Variants in ADIPOR2 observed in about 807,000 individuals in gnomAD.
ADIPOR2 encodes adiponectin receptor protein 2.
ADIPOR2 carries 18 observed loss-of-function variants against 40.9 expected under a neutral mutation model. The ratio of observed to expected loss-of-function variants is 0.44; its 90% confidence interval spans 0.30 to 0.65. The LOEUF (loss-of-function observed/expected upper bound fraction) is 0.65. Ranked by LOEUF, ADIPOR2 falls within the 30% of genes least tolerant of loss-of-function variation. ADIPOR2 has a pLI of 0.09. For missense variants in ADIPOR2, 283 were observed against 479.2 expected (o/e 0.59, Z 3.82); for synonymous variants, 165 against 166.4 (o/e 0.99, Z 0.06).
rs774083473 is a variant in ADIPOR2, at chr12:1,754,361, A to G, written c.18A>G (p.Glu6=). 1.6e-5 allele frequency: 26 copies of G among 1,608,024 alleles called. No homozygotes were observed. Among genetic ancestry groups the G allele is most frequent in the Non-Finnish European group, 2.2e-5 (26 of 1,177,690 alleles). The change falls in exon 2 of 8, where the codon GAA becomes GAG. Residue 6 remains glutamate, a synonymous_variant. Transcript: ENST00000357103. MNEPT[E]NRLGCSRTPE... ...GGTATCCCATGAACGAGCCAACAGA[A>G]AACCGATTGGGGTGCAGCAGGACTC...
intron 3 of ADIPOR2, among the ~76,000 whole-genome samples, chr12:1,775,752 C>CA (rs1293602893): frequency 6.6e-6 from 1 of 152,070 alleles, no homozygotes; most frequent in Non-Finnish European, 1.5e-5. Flanking sequence ...AAATTTGATG[C>CA]AAAAAATTCA....
chr12:1,746,289 G>T (rs1003048540), intron 1 of ADIPOR2, among the ~76,000 whole-genome samples: 1 of 152,118 alleles, frequency 6.6e-6, no homozygotes, highest in Non-Finnish European at 1.5e-5. Context: ...AGAGGCTGAG[G>T]TGTGTGGATC....
chr12:1,755,863 T>G (rs1200580649), intron 2 of ADIPOR2, among the ~76,000 whole-genome samples: 1 of 152,170 alleles, frequency 6.6e-6, no homozygotes, highest in Admixed American at 6.5e-5. Flanking sequence ...GTGTATATAG[T>G]AAGTAATACA....
intron 1 of ADIPOR2, chr12:1,696,462 C>G (rs867037560): frequency 6.7e-6 from 1 of 149,248 alleles, no homozygotes; most frequent in East Asian, 2.0e-4. Context: ...GTGGTGCAAT[C>G]GTAGCTTACT....
intron 1 of ADIPOR2, among the ~76,000 whole-genome samples, chr12:1,699,039 C>T (rs954882088): frequency 5.3e-5 from 8 of 152,132 alleles, no homozygotes; most frequent in African/African-American, 1.9e-4. Context: ...GCTGCTTCAC[C>T]TATTTACATT....
rs2094625643 is a variant in ADIPOR2 at position 1,691,083 on chromosome 12, C to G, written c.-195C>G. The G allele has an allele frequency of 6.0e-6, 1 of 165,792 alleles. No individual in the cohort carries two copies. The highest frequency in any genetic ancestry group is 1.3e-5 in the Non-Finnish European group (1 of 77,098). 10.3% of individuals were successfully genotyped at this position (165,792 alleles called of 1,614,324 possible). A position where few individuals can be genotyped will look rare whatever the true frequency, so the allele number is the denominator to read the frequency against. ...GAGCGCGATTCCAGAAGCGGCATCG[C>G]GGCGGCGGCAGCGGCGGCGGCTACA... On this transcript the variant is annotated 5_prime_UTR_variant, in exon 1 of 8. Transcript: ENST00000357103.
At chr12:1,749,107 A>G (rs1417744619) in intron 1 of ADIPOR2, among the ~76,000 whole-genome samples, 1 of 152,176 alleles carries the variant, frequency 6.6e-6, no homozygotes, top group African/African-American at 2.4e-5. Context: ...CTAGTTTATT[A>G]TAAAGAATAT....
At chr12:1,734,852 C>A (rs1038318234) in intron 1 of ADIPOR2, among the ~76,000 whole-genome samples, 94 of 152,264 alleles carry the variant, frequency 6.2e-4, no homozygotes, top group African/African-American at 2.1e-3. Flanking sequence ...CCATTTATTA[C>A]ATAGGGAATC....
At chr12:1,705,167 G>A (rs1176180497) in intron 1 of ADIPOR2, among the ~76,000 whole-genome samples, 1 of 152,138 alleles carries the variant, frequency 6.6e-6, no homozygotes, top group Non-Finnish European at 1.5e-5. Context: ...AACTGTACAG[G>A]CCACATGTTT....
At chr12:1,743,274 T>C (rs1400535715) in intron 1 of ADIPOR2, among the ~76,000 whole-genome samples, 1 of 130,386 alleles carries the variant, frequency 7.7e-6, no homozygotes, top group Non-Finnish European at 1.6e-5. Context: ...ATTGTGCCAC[T>C]GCACTCCAGC....
At chr12:1,759,287 C>A (rs115168278) in intron 2 of ADIPOR2, among the ~76,000 whole-genome samples, 20 of 152,326 alleles carry the variant, frequency 1.3e-4, no homozygotes, top group African/African-American at 4.8e-4. Context: ...AATTTTGCAT[C>A]ATTTTCTTTG....
chr12:1,752,885 C>T (rs933174171), intron 1 of ADIPOR2, among the ~76,000 whole-genome samples: 3 of 152,126 alleles, frequency 2.0e-5, no homozygotes, highest in Non-Finnish European at 4.4e-5. Context: ...CAGAAATGGG[C>T]ATTAATAACA....
chr12:1,723,980 G>A (rs2094702834), intron 1 of ADIPOR2, among the ~76,000 whole-genome samples: 1 of 151,828 alleles, frequency 6.6e-6, no homozygotes, highest in South Asian at 2.1e-4. Context: ...ATACAAAATG[G>A]AATCTTTTTT....
intron 1 of ADIPOR2, among the ~76,000 whole-genome samples, chr12:1,745,330 C>A (rs967025650): frequency 6.6e-6 from 1 of 152,144 alleles, no homozygotes; most frequent in Non-Finnish European, 1.5e-5. Flanking sequence ...CTTGTTGCCA[C>A]TTGTTTAAAA....
At chr12:1,778,265 C>T in intron 4 of ADIPOR2, 1 of 383,446 alleles carries the variant, frequency 2.6e-6, no homozygotes, top group Non-Finnish European at 4.6e-6. Flanking sequence ...GTCCTCAAAC[C>T]AGGCCAAGTA....
chr12:1,725,441 A>G (rs1237423931), intron 1 of ADIPOR2, among the ~76,000 whole-genome samples: 1 of 152,138 alleles, frequency 6.6e-6, no homozygotes, highest in Non-Finnish European at 1.5e-5. Flanking sequence ...ACTTAAACCA[A>G]ATGGACTATA....
intron 1 of ADIPOR2, among the ~76,000 whole-genome samples, chr12:1,751,325 A>G (rs1184505815): frequency 6.6e-6 from 1 of 152,088 alleles, no homozygotes; most frequent in Admixed American, 6.5e-5. Context: ...ATACTTGTCA[A>G]TTTAGAAAAC....
intron 1 of ADIPOR2, among the ~76,000 whole-genome samples, chr12:1,735,609 C>G (rs2094728745): frequency 6.6e-6 from 1 of 152,156 alleles, no homozygotes; most frequent in Non-Finnish European, 1.5e-5. Context: ...CCTAATTGCC[C>G]TGGCCAGAAC....
intron 1 of ADIPOR2, among the ~76,000 whole-genome samples, chr12:1,706,771 C>G (rs1439095000): frequency 1.3e-5 from 2 of 152,156 alleles, no homozygotes. Context: ...CACCACACCC[C>G]TCCCCTCCTC....
Sources: gnomAD v4.1 joint callset for allele counts (sites outside exome capture counted in the v4.1 genomes callset) on GRCh38, gnomAD v4.1.1 for gene constraint, MANE v1.5 for transcripts, NCBI Gene and HGNC (gene_info 2026-07-23, HGNC 2026-07-21) for gene names.